The following HS1BP3 variants were observed in gnomAD, a reference collection of about 807,000 sequenced individuals.
HS1BP3 encodes the protein HCLS1 binding protein 3, also known as HCLS1-binding protein 3.
HS1BP3 carries 32 observed loss-of-function variants against 33.5 expected under a neutral mutation model. The observed-to-expected ratio is 0.95, with a 90% confidence interval of 0.72 to 1.28. The LOEUF is 1.28. Ranked by LOEUF, HS1BP3 falls within the 50% of genes most tolerant of loss-of-function variation. The pLI, the probability that HS1BP3 is intolerant of heterozygous loss-of-function variation, is 0.00. For synonymous variants in HS1BP3, 187 were observed against 209.2 expected (o/e 0.89, Z 0.92); for missense variants, 486 against 502.3 (o/e 0.97, Z 0.31).
At chr2:20,621,965 G>C (rs370039017) in intron 6 of HS1BP3, among the ~76,000 whole-genome samples, 4 of 152,306 alleles carry the variant, frequency 2.6e-5, no homozygotes, top group African/African-American at 9.6e-5. Context: ...TGGGGGGTAA[G>C]GGAGCTCTAA....
At chr2:20,624,181 G>C (rs1270106425) in intron 5 of HS1BP3, 150 bp from the exon 6 acceptor site, 2 of 1,049,902 alleles carry the variant, frequency 1.9e-6, no homozygotes, top group African/African-American at 3.2e-5. Flanking sequence ...GTGCTGCTTT[G>C]TAACTGTCAG....
At chr2:20,634,166 G>A (rs532808248) in intron 4 of HS1BP3, among the ~76,000 whole-genome samples, 5 of 152,390 alleles carry the variant, frequency 3.3e-5, no homozygotes, top group Admixed American at 6.5e-5. Context: ...TTCTGGACAC[G>A]CCCTGTCCTC....
chr2:20,578,261 G>T (rs1221402830), intron 5 of HS1BP3, among the ~76,000 whole-genome samples: 1 of 152,218 alleles, frequency 6.6e-6, no homozygotes, highest in African/African-American at 2.4e-5. Context: ...TGGCTCCAGG[G>T]CTGCCCTCAG....
chr2:20,646,498 C>T (rs1695523904), intron 1 of HS1BP3, among the ~76,000 whole-genome samples: 3 of 152,264 alleles, frequency 2.0e-5, no homozygotes, highest in African/African-American at 7.2e-5. Flanking sequence ...ACCAGCACAA[C>T]GCTGCTGTCA....
chr2:20,598,859 G>A lies in HS1BP3; in HGVS notation c.179-594C>T, dbSNP rs189675968. The stretch of plus-strand genomic sequence containing the variant: ...AGGCGTGAGCCACCGCGCCCGGCCG[G>A]TACTTCTTTGAATATATAATTGGGC... On this transcript the variant is annotated intron_variant, in intron 2 of 3. Transcript: ENST00000415264. 3.4e-3 allele frequency among the ~76,000 whole-genome samples: 512 copies of A among 152,028 alleles called. 3 individuals are homozygous for A. Among genetic ancestry groups the A allele is most frequent in the African/African-American group, 0.011 (470 of 41,442 alleles).
Position 20,564,400 on chromosome 2 carries a change from A to G in HS1BP3, c.303-3885T>C, listed in dbSNP as rs573603179. Among the ~76,000 whole-genome samples, 353 of 152,344 alleles carry G rather than the reference A, an allele frequency of 2.3e-3. 1 individual carries two copies. The highest frequency in any genetic ancestry group is 4.1e-3 in the Non-Finnish European group (281 of 68,026). ...CCCTCAGGGCTGCTGGTGACCAGCC[A>G]GTTCCTTCTGTGATCTCTTCTTTAC... is the stretch of plus-strand genomic sequence containing the variant. On this transcript the variant is annotated intron_variant, in intron 5 of 5. Coordinates refer to the HS1BP3 transcript ENST00000446825.
chr2:20,628,559 C>G lies in HS1BP3; in HGVS notation c.624-3667G>C, dbSNP rs114084075. 7.1e-3 allele frequency among the ~76,000 whole-genome samples: 1,078 copies of G among 152,002 alleles called. 17 individuals carry two copies. Among genetic ancestry groups the G allele is most frequent in the African/African-American group, 0.024 (1,010 of 41,412 alleles). ...CTGAGGCATAAGAATCGCTTGAACCCCAGGGATGTAGGTTGCAGTGAGCTC... is the reference window on the plus strand; with the variant it reads ...CTGAGGCATAAGAATCGCTTGAACCGCAGGGATGTAGGTTGCAGTGAGCTC... On this transcript the variant is annotated intron_variant, in intron 4 of 6. Coordinates refer to ENST00000304031, the MANE Select transcript of HS1BP3 (RefSeq NM_022460.4).
intron 3 of HS1BP3, among the ~76,000 whole-genome samples, chr2:20,638,982 G>T (rs541552170): frequency 1.3e-5 from 2 of 152,368 alleles, no homozygotes; most frequent in African/African-American, 4.8e-5. Flanking sequence ...GAGCCTGTGT[G>T]CGCCGCAGGG....
At chr2:20,648,110 A>G (rs1247626584) in intron 1 of HS1BP3, among the ~76,000 whole-genome samples, 2 of 152,176 alleles carry the variant, frequency 1.3e-5, no homozygotes, top group Non-Finnish European at 2.9e-5. Context: ...TGAAGGACAT[A>G]GCTGCTGCAG....
intron 4 of HS1BP3, among the ~76,000 whole-genome samples, chr2:20,631,044 G>A (rs1694951531): frequency 2.6e-5 from 4 of 152,196 alleles, no homozygotes; most frequent in Admixed American, 6.5e-5. Flanking sequence ...CTTACTGGAG[G>A]TCAAAGGGAA....
At chr2:20,573,501 G>C (rs1231960813) in intron 5 of HS1BP3, among the ~76,000 whole-genome samples, 2 of 152,158 alleles carry the variant, frequency 1.3e-5, no homozygotes, top group African/African-American at 4.8e-5. Flanking sequence ...AGCAGGTTTT[G>C]AGTTGTCATT....
chr2:20,559,089 G>A (rs2149268523), downstream of HS1BP3, among the ~76,000 whole-genome samples: 1 of 152,300 alleles, frequency 6.6e-6, no homozygotes, highest in East Asian at 1.9e-4. Flanking sequence ...GGATCTCAGT[G>A]GGCCCTGGAG....
downstream of HS1BP3, among the ~76,000 whole-genome samples, chr2:20,590,600 T>A (rs1316622239): frequency 6.6e-6 from 1 of 152,210 alleles, no homozygotes; most frequent in Non-Finnish European, 1.5e-5. Context: ...GCCCGGCCCA[T>A]CTGACAGGTC....
At chr2:20,566,757 C>T (rs1010911639) in intron 5 of HS1BP3, among the ~76,000 whole-genome samples, 2 of 152,112 alleles carry the variant, frequency 1.3e-5, no homozygotes, top group African/African-American at 4.8e-5. Flanking sequence ...CAGGCACACA[C>T]CACCATGCCC....
chr2:20,566,686 A>G (rs1693137266), intron 5 of HS1BP3, among the ~76,000 whole-genome samples: 1 of 150,650 alleles, frequency 6.6e-6, no homozygotes, highest in Non-Finnish European at 1.5e-5. Context: ...AGCTCACTGC[A>G]AACCCTGCCT....
intron 5 of HS1BP3, among the ~76,000 whole-genome samples, chr2:20,576,633 G>A (rs1693407373): frequency 6.6e-6 from 1 of 152,236 alleles, no homozygotes; most frequent in Admixed American, 6.5e-5. Context: ...GCATATGGCA[G>A]GTGCCAACAA....
At chr2:20,582,393 G>C (rs1423832952) in intron 5 of HS1BP3, among the ~76,000 whole-genome samples, 1 of 151,738 alleles carries the variant, frequency 6.6e-6, no homozygotes, top group Non-Finnish European at 1.5e-5. Context: ...GGCTGAGAGA[G>C]ATTGGTAGGG....
At chr2:20,647,626 C>A (rs567205081) in intron 1 of HS1BP3, among the ~76,000 whole-genome samples, 50 of 152,292 alleles carry the variant, frequency 3.3e-4, no homozygotes, top group Admixed American at 6.5e-4. Flanking sequence ...GAGTCTGATG[C>A]ACCTGGGCCT....
intron 1 of HS1BP3, among the ~76,000 whole-genome samples, chr2:20,649,010 T>A (rs1695602527): frequency 6.6e-6 from 1 of 152,148 alleles, no homozygotes; most frequent in Non-Finnish European, 1.5e-5. Context: ...ACGGCCGCCA[T>A]CACCCCGGGC....
Sources: allele counts gnomAD v4.1 joint callset (sites outside exome capture counted in the v4.1 genomes callset), GRCh38; gene constraint gnomAD v4.1.1; transcripts MANE v1.5; gene names NCBI Gene and HGNC (gene_info 2026-07-23, HGNC 2026-07-21).